PLEKHG4B: variants seen among roughly 807,000 people sequenced by gnomAD.
PLEKHG4B encodes the protein pleckstrin homology and RhoGEF domain containing G4B.
A neutral mutation model predicts 121.3 loss-of-function variants in PLEKHG4B; 111 were observed. The ratio of observed to expected loss-of-function variants is 0.92; its 90% CI spans 0.78 to 1.07. The LOEUF (loss-of-function observed/expected upper bound fraction) is 1.07, where lower values mean the gene tolerates loss of function less well. Among genes scored for constraint, PLEKHG4B ranks in the 50% least tolerant of loss-of-function variants. The probability of loss-of-function intolerance (pLI) is 0.00; values close to 1 mark genes in which losing one functional copy is unlikely to be tolerated. For synonymous variants in PLEKHG4B, 738 were observed against 725.0 expected (o/e 1.02, Z -0.29); for missense variants, 1,831 against 1,757.8 (o/e 1.04, Z -0.74).
intron 16 of PLEKHG4B, among the ~76,000 whole-genome samples, chr5:172,403 T>G (rs1736588381): frequency 1.3e-5 from 2 of 152,190 alleles, no homozygotes; most frequent in Admixed American, 1.3e-4. Context: ...TTGAAGGGAT[T>G]TCTGTGGGGA....
rs1735807060 is a variant in PLEKHG4B at position 156,984 on chromosome 5, CCTT to C, written c.2487+75_2487+77del. 4 of 1,558,700 alleles carry C rather than the reference CCTT, an allele frequency of 2.6e-6. No individual in the cohort carries two copies. The highest frequency in any genetic ancestry group is 3.5e-6 in the Non-Finnish European group (4 of 1,144,766). On this transcript the variant is annotated intron_variant, in intron 11 of 19. Transcript: ENST00000637938. This position sits in a 1 kb window ranked among gnomAD's most constrained non-coding sequence, Gnocchi z 4.4. ...CAGGCTGGCCAAGGCAACCCTCTCA[CCTT>C]CACACTGTGTCTTTAGGGCCTTGAT...
intron 6 of PLEKHG4B, 75 bp downstream of exon 6, chr5:144,995 G>A (rs980941560): frequency 1.0e-4 from 147 of 1,407,322 alleles, no homozygotes; most frequent in Non-Finnish European, 1.3e-4. Context: ...TGCCCACATC[G>A]TGGTTCTGGA....
rs1733526030 is a variant in PLEKHG4B, at chr5:183,998, TAGATA to T, written c.*1676_*1680del. On this transcript the variant is annotated 3_prime_UTR_variant, in exon 20 of 20. Coordinates refer to ENST00000637938, the MANE Select transcript of PLEKHG4B (RefSeq NM_052909.5). ...ATAGATAGATAGATAGATCGATAGATAGATAGATAGATAGATAGATAGATAGATAG... is the reference window on the plus strand; with the variant it reads ...ATAGATAGATAGATAGATCGATAGATGATAGATAGATAGATAGATAGATAG... The T allele has an allele frequency of 7.1e-6, 1 of 140,020 alleles. No homozygotes were observed. 8.7% of individuals were successfully genotyped at this position (140,020 alleles called of 1,614,324 possible). A position where few individuals can be genotyped will look rare whatever the true frequency, so the allele number is the denominator to read the frequency against.
chr5:180,618 T>C lies in PLEKHG4B; in HGVS notation c.4403-896T>C, dbSNP rs114557943. On this transcript the variant is annotated intron_variant, in intron 18 of 19. Transcript: ENST00000637938. ...CTTCAAAAAGTGTGTCCAGCTTTTC[T>C]GGTTGTTCTTGGCCGTGGGCTTGGA... Among the ~76,000 whole-genome samples the C allele has an allele frequency of 1.7e-3, 265 of 152,352 alleles. 1 individual carries two copies. Among genetic ancestry groups the C allele is most frequent in the African/African-American group, 6.2e-3 (258 of 41,568 alleles).
At chr5:170,973 C>G (rs930618344) in intron 14 of PLEKHG4B, 70 bp from the exon 15 acceptor site, 41 of 1,318,794 alleles carry the variant, frequency 3.1e-5, no homozygotes, top group Non-Finnish European at 4.2e-5. Flanking sequence ...AAGTCTGACC[C>G]GGGCTGCGGG....
intron 1 of PLEKHG4B, among the ~76,000 whole-genome samples, chr5:96,111 G>A (rs1733620753): frequency 6.6e-6 from 1 of 152,202 alleles, no homozygotes; most frequent in Admixed American, 6.5e-5. Flanking sequence ...GGGTGGTGGT[G>A]TTACAGTGGT....
intron 3 of PLEKHG4B, among the ~76,000 whole-genome samples, chr5:141,713 T>TTTTTA (rs1216323505): frequency 7.7e-6 from 1 of 130,068 alleles, no homozygotes; most frequent in African/African-American, 3.4e-5. Flanking sequence ...AATATTTCAT[T>TTTTTA]TTTTTTTTTT....
Position 113,468 on chromosome 5 carries a change from C to T in PLEKHG4B, c.243+20C>T. 2 of 399,096 alleles carry T rather than the reference C, an allele frequency of 5.0e-6. No individual in the cohort carries two copies. Among genetic ancestry groups the T allele is most frequent in the African/African-American group, 2.1e-5 (1 of 48,762 alleles). The allele number at this position is 399,096 out of a possible 1,614,324, so 24.7% of individuals were successfully genotyped here. On this transcript the variant is annotated intron_variant, in intron 2 of 19. Transcript: ENST00000637938. This position sits in a 1 kb window ranked among gnomAD's most constrained non-coding sequence, Gnocchi z 5.2. ...GCCTGTGTGAGTACCTCCCTTGTAG[C>T]TCTGAGACCGTGGCCAACCTGGAGG...
In PLEKHG4B at chr5:182,310, C is replaced by T; in HGVS notation, c.4871C>T (p.Thr1624Ile). 6.2e-7 allele frequency: 1 copy of T among 1,604,254 alleles called. No homozygotes were observed. Among genetic ancestry groups the T allele is most frequent in the Non-Finnish European group, 8.5e-7 (1 of 1,176,214 alleles). Residue 1624 changes from threonine to isoleucine, a missense_variant, in exon 20 of 20, where the codon ACA becomes ATA. Physicochemically the swap from Thr to Ile is moderately conservative, Grantham distance 89. Coordinates refer to ENST00000637938, the MANE Select transcript of PLEKHG4B (RefSeq NM_052909.5). ...EGAPAVLLSR[T>I]RQA is the part of the protein sequence containing the mutation. Reference sequence around the variant, plus strand: ...GCTCCTGCTGTGCTGCTGAGCCGCACACGCCAGGCCTGATGACTGTCAGGG... The same window carrying T: ...GCTCCTGCTGTGCTGCTGAGCCGCATACGCCAGGCCTGATGACTGTCAGGG...
intron 2 of PLEKHG4B, among the ~76,000 whole-genome samples, chr5:136,772 G>A (rs867662795): frequency 3.6e-4 from 55 of 152,198 alleles, no homozygotes; most frequent in African/African-American, 1.2e-3. Context: ...TGGTGATGAC[G>A]TAAAATGGTG....
chr5:113,378 G>T lies in PLEKHG4B; in HGVS notation c.173G>T (p.Gly58Val). 1 of 399,204 alleles carries T rather than the reference G, an allele frequency of 2.5e-6. No individual in the cohort carries two copies. The allele number at this position is 399,204 out of a possible 1,614,324, so 24.7% of individuals were successfully genotyped here. A position where few individuals can be genotyped will look rare whatever the true frequency, so the allele number is the denominator to read the frequency against. Reference protein sequence around the residue: ...SVAERCHGGDGLHCLTSFLLP... With the variant: ...SVAERCHGGDVLHCLTSFLLP... The stretch of plus-strand genomic sequence containing the variant: ...GCCGAGAGGTGCCACGGTGGGGACG[G>T]GCTGCACTGCCTCACCAGCTTCCTC... The change falls in exon 2 of 20, where the codon GGG becomes GTG. Residue 58 changes from glycine to valine, a missense_variant. By Grantham distance (109) the Gly-to-Val change is moderately radical (BLOSUM62 -3). Coordinates refer to ENST00000637938, the MANE Select transcript of PLEKHG4B (RefSeq NM_052909.5). The surrounding 1 kb of genome is among the most constrained non-coding windows in gnomAD (Gnocchi z 5.2).
rs1299016445 is a variant in PLEKHG4B, at chr5:186,487, C to T, written c.*4164C>T. ...CTGGGTCCCTCAGGGTCACTCACCC[C>T]GCCACGTGAGGCCACTTCCGCCCAG... On this transcript the variant is annotated 3_prime_UTR_variant, in exon 20 of 20. Coordinates refer to ENST00000637938, the MANE Select transcript of PLEKHG4B (RefSeq NM_052909.5). 2.0e-5 allele frequency: 3 copies of T among 152,306 alleles called. No homozygotes were observed. Among genetic ancestry groups the T allele is most frequent in the African/African-American group, 7.2e-5 (3 of 41,462 alleles). The allele number at this position is 152,306 out of a possible 1,614,324, so 9.4% of individuals were successfully genotyped here.
At chr5:154,123 A>G (rs189676251) in intron 7 of PLEKHG4B, among the ~76,000 whole-genome samples, 1 of 152,064 alleles carries the variant, frequency 6.6e-6, no homozygotes, top group African/African-American at 2.4e-5. Flanking sequence ...CTCCTGCCTC[A>G]GCCTCCTGAG....
At chr5:166,635 T>G (rs1171388871) in intron 13 of PLEKHG4B, among the ~76,000 whole-genome samples, 1 of 151,246 alleles carries the variant, frequency 6.6e-6, no homozygotes, top group Non-Finnish European at 1.5e-5. Context: ...CGCCTGCCAC[T>G]CACCTCCTGC....
At chr5:105,505 A>G (rs1296981378) in intron 1 of PLEKHG4B, among the ~76,000 whole-genome samples, 1 of 152,242 alleles carries the variant, frequency 6.6e-6, no homozygotes, top group Non-Finnish European at 1.5e-5. Context: ...ATCATCCAGA[A>G]TTAGTTATTT....
At chr5:134,602 C>T (rs1309957376) in intron 2 of PLEKHG4B, among the ~76,000 whole-genome samples, 4 of 151,512 alleles carry the variant, frequency 2.6e-5, no homozygotes, top group Non-Finnish European at 2.9e-5. Flanking sequence ...CTTCTCTCTA[C>T]TAAAAATACA....
chr5:177,880 C>T (rs1011610999), intron 18 of PLEKHG4B, among the ~76,000 whole-genome samples: 7 of 152,112 alleles, frequency 4.6e-5, no homozygotes, highest in Non-Finnish European at 7.3e-5. Flanking sequence ...CTGAGACTTT[C>T]GTCCCTTTTC....
chr5:98,331 C>T (rs1225512059), intron 1 of PLEKHG4B, among the ~76,000 whole-genome samples: 1 of 151,398 alleles, frequency 6.6e-6, no homozygotes, highest in Non-Finnish European at 1.5e-5. Context: ...CCATTTTCAG[C>T]CAGGGTCTTT....
rs1467147773 is a variant in PLEKHG4B at position 159,081 on chromosome 5, G to A, written c.2487+2170G>A. 2.0e-5 allele frequency among the ~76,000 whole-genome samples: 3 copies of A among 152,088 alleles called. No homozygotes were observed. The highest frequency in any genetic ancestry group is 4.4e-5 in the Non-Finnish European group (3 of 68,010). On this transcript the variant is annotated intron_variant, in intron 11 of 19. Coordinates refer to ENST00000637938, the MANE Select transcript of PLEKHG4B (RefSeq NM_052909.5). This position sits in a 1 kb window ranked among gnomAD's most constrained non-coding sequence, Gnocchi z 5.5. ...TTCTGCCTGTGCCCTGCTTCTCGGTGGAAGCCACAGACTTTCCTGTCGTCC... is the reference window on the plus strand; with the variant it reads ...TTCTGCCTGTGCCCTGCTTCTCGGTAGAAGCCACAGACTTTCCTGTCGTCC...
Sources: allele counts gnomAD v4.1 joint callset (sites outside exome capture counted in the v4.1 genomes callset), GRCh38; gene constraint gnomAD v4.1.1; non-coding constraint Gnocchi (gnomAD v3.1); transcripts MANE v1.5; gene names NCBI Gene and HGNC (gene_info 2026-07-23, HGNC 2026-07-21).